The following STRIP2 variants were observed in gnomAD, a reference collection of about 807,000 sequenced individuals.
The protein encoded by STRIP2 is striatin-interacting protein 2.
A neutral mutation model predicts 107.1 loss-of-function variants in STRIP2; 84 were observed. The ratio of observed to expected loss-of-function variants is 0.78; its 90% CI spans 0.66 to 0.94. The LOEUF is 0.94. Ranked by LOEUF, STRIP2 falls within the 40% of genes least tolerant of loss-of-function variation. The pLI, the probability that STRIP2 is intolerant of heterozygous loss-of-function variation, is 0.00. For missense variants in STRIP2, 888 were observed against 1,034.2 expected, an observed-to-expected ratio of 0.86 and a Z score of 1.94; for synonymous variants, 394 against 400.4, an observed-to-expected ratio of 0.98 and a Z score of 0.19.
At chr7:129,451,098 G>A (rs976443162) in intron 3 of STRIP2, among the ~76,000 whole-genome samples, 14 of 151,436 alleles carry the variant, frequency 9.2e-5, no homozygotes, top group Admixed American at 2.6e-4. Context: ...CACTACGCCC[G>A]GCTAATTTTT....
Position 129,460,346 on chromosome 7 carries a change from G to T in STRIP2, c.1450G>T (p.Glu484Ter). ...IADVQIKNEE[E>*]LEKCPMSLGE... ...AGATGTGCAGATCAAGAATGAAGAG[G>T]AGCTGGAGAAGTGCCCTATGTCTTT... Residue 484 changes from glutamate (E) to a stop codon, truncating the protein, a stop_gained, in exon 13 of 21, where the codon GAG (glutamate) becomes TAG (stop). Transcript: ENST00000249344. LOFTEE classifies it high-confidence loss of function. The T allele has an allele frequency of 6.2e-7, 1 of 1,614,026 alleles. No individual in the cohort carries two copies. The highest frequency in any genetic ancestry group is 1.3e-5 in the African/African-American group (1 of 75,042).
intron 1 of STRIP2, among the ~76,000 whole-genome samples, chr7:129,435,686 A>G (rs543331395): frequency 1.6e-4 from 25 of 152,362 alleles, no homozygotes; most frequent in African/African-American, 5.5e-4. Context: ...TAAAGTCAAA[A>G]TGAGATAATT....
Position 129,456,431 on chromosome 7 carries a change from T to A in STRIP2, c.835-8T>A. On this transcript the variant is annotated splice_region_variant and splice_polypyrimidine_tract_variant and intron_variant, in intron 8 of 20. Transcript: ENST00000249344. ...TCTCTCTCTGCCCCTTTCCTGTTTCTTCCTTAGTTTACCCTCGGTGGATTT... is the reference window on the plus strand; with the variant it reads ...TCTCTCTCTGCCCCTTTCCTGTTTCATCCTTAGTTTACCCTCGGTGGATTT... 1 of 1,613,862 alleles carries A rather than the reference T, an allele frequency of 6.2e-7. No individual in the cohort carries two copies. The highest frequency in any genetic ancestry group is 1.3e-5 in the African/African-American group (1 of 75,020).
Position 129,464,615 on chromosome 7 carries a change from C to T in STRIP2, c.1653C>T (p.Ile551=). 1 of 1,614,080 alleles carries T rather than the reference C, an allele frequency of 6.2e-7. No individual in the cohort carries two copies. Among genetic ancestry groups the T allele is most frequent in the Non-Finnish European group, 8.5e-7 (1 of 1,180,000 alleles). The change falls in exon 16 of 21, where the codon ATC becomes ATT. Residue 551 remains isoleucine, a synonymous_variant. Transcript: ENST00000249344. ...ATACCTTCTCTCCCCATTGTAGCAT[C>T]ACTGTTCTCCAGAGCATGAAGCTGG... ...LADVLPEEMP[I]TVLQSMKLGI...
In STRIP2 at chr7:129,456,211, C is replaced by T. The variant is rs536172260; in HGVS notation, c.835-228C>T. Among the ~76,000 whole-genome samples, 3 of 147,706 alleles carry T rather than the reference C, an allele frequency of 2.0e-5. No individual in the cohort carries two copies. The East Asian group carries it at 6.1e-4, about 30-fold the overall frequency. Reference sequence around the variant, plus strand: ...CTTTCCTAAATTCTGTGATATTTCCCATACTGGGGCAGTAAATAATGCCTT... The same window carrying T: ...CTTTCCTAAATTCTGTGATATTTCCTATACTGGGGCAGTAAATAATGCCTT... On this transcript the variant is annotated intron_variant, in intron 8 of 20. Coordinates refer to ENST00000249344, the MANE Select transcript of STRIP2 (RefSeq NM_020704.3).
chr7:129,439,601 C>A (rs1797843061), intron 1 of STRIP2, among the ~76,000 whole-genome samples: 1 of 152,176 alleles, frequency 6.6e-6, no homozygotes, highest in Non-Finnish European at 1.5e-5. Flanking sequence ...TGATCCACAG[C>A]ATGAGACTTG....
intron 5 of STRIP2, 107 bp from the exon 6 acceptor site, chr7:129,454,035 G>A: frequency 1.0e-6 from 1 of 998,838 alleles, no homozygotes; most frequent in Non-Finnish European, 1.5e-6. Context: ...ATTAGTGGCT[G>A]CCTAGCCAGG....
intron 3 of STRIP2, among the ~76,000 whole-genome samples, chr7:129,448,868 A>G (rs1404026949): frequency 6.6e-6 from 1 of 152,190 alleles, no homozygotes; most frequent in African/African-American, 2.4e-5. Context: ...GGACTCTTCA[A>G]AGATGCAGTT....
intron 19 of STRIP2, among the ~76,000 whole-genome samples, chr7:129,482,543 A>G (rs1799152666): frequency 6.6e-6 from 1 of 151,476 alleles, no homozygotes; most frequent in Non-Finnish European, 1.5e-5. Flanking sequence ...ACGCCTGGCT[A>G]ATTTTTGTAT....
chr7:129,438,445 G>A (rs1797808582), intron 1 of STRIP2, among the ~76,000 whole-genome samples: 1 of 152,284 alleles, frequency 6.6e-6, no homozygotes, highest in African/African-American at 2.4e-5. Flanking sequence ...CACTCACATA[G>A]TGCTACGAAG....
chr7:129,467,756 C>T (rs1798704946), intron 17 of STRIP2, among the ~76,000 whole-genome samples: 2 of 152,018 alleles, frequency 1.3e-5, no homozygotes, highest in Non-Finnish European at 2.9e-5. Flanking sequence ...GTGAAACAAC[C>T]TGCTTGTCTG....
At chr7:129,478,896 G>A (rs377591374) in intron 18 of STRIP2, among the ~76,000 whole-genome samples, 14 of 152,110 alleles carry the variant, frequency 9.2e-5, no homozygotes, top group Non-Finnish European at 1.3e-4. Context: ...TGCCTCTACC[G>A]TATTGAAAAT....
At chr7:129,476,818 G>A (rs1185014072) in intron 18 of STRIP2, among the ~76,000 whole-genome samples, 2 of 152,150 alleles carry the variant, frequency 1.3e-5, no homozygotes, top group African/African-American at 4.8e-5. Context: ...GGAGGCCAAG[G>A]CAGGCGGCTG....
chr7:129,464,284 C>T (rs568805205), intron 15 of STRIP2, 143 bp downstream of exon 15: 40 of 693,388 alleles, frequency 5.8e-5, no homozygotes, highest in South Asian at 4.7e-4. Context: ...CCCCCTTTCC[C>T]GTACAGGGCT....
At chr7:129,471,765 A>G (rs1798793677) in intron 18 of STRIP2, among the ~76,000 whole-genome samples, 1 of 152,166 alleles carries the variant, frequency 6.6e-6, no homozygotes. Flanking sequence ...CTCATAGGTG[A>G]CAGAGCCTGA....
intron 2 of STRIP2, among the ~76,000 whole-genome samples, chr7:129,443,327 TC>T (rs944926755): frequency 6.6e-6 from 1 of 152,158 alleles, no homozygotes; most frequent in African/African-American, 2.4e-5. Flanking sequence ...ATCCTATAGG[TC>T]TGAGCCATCA....
At chr7:129,464,400 TG>T (rs997113097) in intron 15 of STRIP2, among the ~76,000 whole-genome samples, 5 of 152,084 alleles carry the variant, frequency 3.3e-5, no homozygotes, top group Admixed American at 6.5e-5. Context: ...GGGATGAGCT[TG>T]CCAAAAGAGA....
Position 129,482,940 on chromosome 7 carries a change from G to C in STRIP2, c.2148G>C (p.Gln716His). 2 of 1,614,118 alleles carry C rather than the reference G, an allele frequency of 1.2e-6. No homozygotes were observed. Among genetic ancestry groups the C allele is most frequent in the Non-Finnish European group, 1.7e-6 (2 of 1,180,030 alleles). ...QLYVLKLLKL[Q>H]TKYLGRQWRK... ...ATGTCCTAAAGCTACTAAAGTTACA[G>C]ACCAAGTACCTGGGGCGCCAATGGA... Residue 716 changes from glutamine (Q) to histidine (H), a missense_variant, in exon 20 of 21, where the codon CAG becomes CAC. By Grantham distance (24) the Gln-to-His change is conservative. Transcript: ENST00000249344.
chr7:129,478,202 C>T (rs1799021929), intron 18 of STRIP2: 4 of 230,540 alleles, frequency 1.7e-5, no homozygotes, highest in Non-Finnish European at 3.4e-5. Flanking sequence ...TTATGTTGGA[C>T]TTTTTATATT....
Sources: allele counts gnomAD v4.1 joint callset (sites outside exome capture counted in the v4.1 genomes callset), GRCh38; gene constraint gnomAD v4.1.1; transcripts MANE v1.5; gene names NCBI Gene and HGNC (gene_info 2026-07-23, HGNC 2026-07-21).